The following CERT1 variants were observed in gnomAD, a reference collection of about 807,000 sequenced individuals.
The protein encoded by CERT1 is ceramide transporter 1, also known as ceramide transfer protein.
CERT1 carries 31 observed loss-of-function variants against 87.9 expected under a neutral mutation model. The observed-to-expected ratio is 0.35, with a 90% CI of 0.27 to 0.48. The LOEUF (loss-of-function observed/expected upper bound fraction) is 0.48, where lower values mean the gene tolerates loss of function less well. CERT1 is among the 20% of genes least tolerant of loss of function. CERT1 has a pLI of 0.99. For synonymous variants in CERT1, 289 were observed against 250.9 expected (o/e 1.15, Z -1.44); for missense variants, 487 against 758.0 (o/e 0.64, Z 4.20).
Position 75,386,940 on chromosome 5 carries a change from T to C in CERT1, c.1285-906A>G, listed in dbSNP as rs182763121. On this transcript the variant is annotated intron_variant, in intron 12 of 16. Coordinates refer to ENST00000643780, the MANE Select transcript of CERT1 (RefSeq NM_001379029.1). ...TGGAGTGCAATGGCGCCGTCTCGGCTCACTGCAACCTCCGCCTCCCAGGTT... is the reference window on the plus strand; with the variant it reads ...TGGAGTGCAATGGCGCCGTCTCGGCCCACTGCAACCTCCGCCTCCCAGGTT... Among the ~76,000 whole-genome samples the C allele has an allele frequency of 7.2e-4, 109 of 152,328 alleles. 1 individual carries two copies. The highest frequency in any genetic ancestry group is 3.5e-3 in the Admixed American group (53 of 15,302).
chr5:75,499,693 T>C (rs1767253399), intron 2 of CERT1, among the ~76,000 whole-genome samples: 1 of 152,198 alleles, frequency 6.6e-6, no homozygotes, highest in Non-Finnish European at 1.5e-5. Flanking sequence ...TTTAAGCACT[T>C]CGGAATTAAG....
intron 3 of CERT1, among the ~76,000 whole-genome samples, chr5:75,442,856 C>T (rs552668288): frequency 2.6e-5 from 4 of 152,068 alleles, no homozygotes; most frequent in East Asian, 3.8e-4. Context: ...CTATAGTATA[C>T]GTTATAATTA....
intron 11 of CERT1, among the ~76,000 whole-genome samples, chr5:75,390,524 A>C (rs1364262414): frequency 6.6e-6 from 1 of 152,092 alleles, no homozygotes; most frequent in Non-Finnish European, 1.5e-5. Flanking sequence ...AATTGTCCTT[A>C]TACATTTTAT....
At chr5:75,441,359 C>T (rs752263055) in intron 3 of CERT1, among the ~76,000 whole-genome samples, 1 of 152,058 alleles carries the variant, frequency 6.6e-6, no homozygotes, top group Non-Finnish European at 1.5e-5. Context: ...ACAACAAAAT[C>T]GACAAACTAT....
At chr5:75,387,031 C>G (rs1761818859) in intron 12 of CERT1, among the ~76,000 whole-genome samples, 1 of 152,088 alleles carries the variant, frequency 6.6e-6, no homozygotes, top group Admixed American at 6.6e-5. Flanking sequence ...CTACGCCCAG[C>G]TAATTTTTGG....
At chr5:75,444,476 T>C (rs747447561) in intron 3 of CERT1, among the ~76,000 whole-genome samples, 1 of 152,122 alleles carries the variant, frequency 6.6e-6, no homozygotes, top group African/African-American at 2.4e-5. Context: ...TGTGCCTTAT[T>C]AGTATTTTTG....
At chr5:75,375,622 TAAATAAATA>T (rs1167008440), downstream of CERT1, 1 of 138,256 alleles carries the variant, frequency 7.2e-6, no homozygotes, top group Non-Finnish European at 1.5e-5. Flanking sequence ...AATAAATAAA[TAAATAAATA>T]AAATAAATAA....
intron 7 of CERT1, among the ~76,000 whole-genome samples, chr5:75,413,404 T>C (rs1763010027): frequency 6.6e-6 from 1 of 152,328 alleles, no homozygotes; most frequent in African/African-American, 2.4e-5. Flanking sequence ...AAAGATTTCA[T>C]TAATTGATTT....
At position 75,511,480 on chromosome 5, in the gene CERT1, C is replaced by T. The variant is rs767396481; in HGVS notation, c.-273G>A. ...GTCGCCGTGACCCCTGCGTTGCGCC[C>T]GGCGCTGCCACCCGAACTTAGCCCC... is the stretch of plus-strand genomic sequence containing the variant. On this transcript the variant is annotated 5_prime_UTR_variant, in exon 1 of 17. Coordinates refer to ENST00000643780, the MANE Select transcript of CERT1 (RefSeq NM_001379029.1). 2.3e-5 allele frequency: 35 copies of T among 1,505,382 alleles called. No homozygotes were observed. The highest frequency in any genetic ancestry group is 5.6e-5 in the African/African-American group (4 of 71,676). The allele number at this position is 1,505,382 out of a possible 1,614,324, so 93.3% of individuals were successfully genotyped here.
At chr5:75,504,255 A>G (rs979772745) in intron 2 of CERT1, among the ~76,000 whole-genome samples, 1 of 152,054 alleles carries the variant, frequency 6.6e-6, no homozygotes, top group East Asian at 1.9e-4. Flanking sequence ...AAAACACCCA[A>G]AATATTAAAC....
chr5:75,401,424 T>TA (rs1363388879), intron 9 of CERT1: 2 of 152,208 alleles, frequency 1.3e-5, no homozygotes, highest in Non-Finnish European at 2.9e-5. Flanking sequence ...AATTCAGTGA[T>TA]AAGTTCATAG....
intron 1 of CERT1, among the ~76,000 whole-genome samples, chr5:75,509,073 C>T (rs777111764): frequency 6.6e-6 from 1 of 151,994 alleles, no homozygotes; most frequent in Non-Finnish European, 1.5e-5. Flanking sequence ...ATAGGTATTT[C>T]CATGTATTTC....
chr5:75,385,875 TA>T, intron 13 of CERT1, 26 bp downstream of exon 13: 1 of 1,402,156 alleles, frequency 7.1e-7, no homozygotes. Context: ...AATAATAGAT[TA>T]AAATATATTA....
intron 2 of CERT1, among the ~76,000 whole-genome samples, chr5:75,485,312 C>CAAAAAAAAACAA (rs1766461799): frequency 2.2e-5 from 1 of 46,438 alleles, no homozygotes; most frequent in African/African-American, 9.1e-5. Context: ...CACAAAAATA[C>CAAAAAAAAACAA]AAAAAAAAAA....
downstream of CERT1, chr5:75,376,877 A>G (rs1253501321): frequency 3.9e-5 from 6 of 152,216 alleles, no homozygotes; most frequent in Non-Finnish European, 1.5e-5. Context: ...AAAGAAAGAC[A>G]TACTATAAAC....
At chr5:75,489,762 T>C (rs568293684) in intron 2 of CERT1, among the ~76,000 whole-genome samples, 22 of 152,124 alleles carry the variant, frequency 1.4e-4, no homozygotes, top group Non-Finnish European at 1.9e-4. Context: ...TGTGGAGAAA[T>C]AGGAACGCTT....
At chr5:75,482,401 T>C (rs1183661445) in intron 2 of CERT1, among the ~76,000 whole-genome samples, 2 of 152,166 alleles carry the variant, frequency 1.3e-5, no homozygotes, top group African/African-American at 4.8e-5. Context: ...GAGCACCAAG[T>C]AGACACCTAA....
chr5:75,407,809 C>G (rs962043308), intron 8 of CERT1, among the ~76,000 whole-genome samples: 1 of 150,272 alleles, frequency 6.7e-6, no homozygotes, highest in African/African-American at 2.4e-5. Context: ...AGAGTTTTGC[C>G]TAGGCCTTTC....
intron 6 of CERT1, among the ~76,000 whole-genome samples, chr5:75,418,637 T>C (rs1332523238): frequency 6.6e-6 from 1 of 152,126 alleles, no homozygotes; most frequent in Admixed American, 6.6e-5. Context: ...ATCTATACAA[T>C]AAAATACTAC....
Sources: gnomAD v4.1 joint callset for allele counts (sites outside exome capture counted in the v4.1 genomes callset) on GRCh38, gnomAD v4.1.1 for gene constraint, MANE v1.5 for transcripts, NCBI Gene and HGNC (gene_info 2026-07-23, HGNC 2026-07-21) for gene names.